The following XYLT1 variants were observed in gnomAD, a reference collection of about 807,000 sequenced individuals.
The protein encoded by XYLT1 is beta-D-xylosyltransferase 1.
Under a neutral mutation model 91.3 loss-of-function variants are expected in XYLT1, and 36 were observed. That is an observed-to-expected ratio of 0.39 (90% CI 0.30 to 0.52). The LOEUF (loss-of-function observed/expected upper bound fraction) is 0.52. Among genes scored for constraint, XYLT1 ranks in the 20% least tolerant of loss-of-function variants. The pLI is 0.68. For missense variants in XYLT1, 1,242 were observed against 1,284.5 expected (o/e 0.97, Z 0.51); for synonymous variants, 588 against 532.0 (o/e 1.11, Z -1.45).
At chr16:17,266,997 T>C (rs75592280) in intron 2 of XYLT1, among the ~76,000 whole-genome samples, 3,361 of 152,304 alleles carry the variant, frequency 0.022, 120 homozygotes, top group African/African-American at 0.076. Context: ...GGCCAGCACT[T>C]AGAAACCCGT....
intron 1 of XYLT1, among the ~76,000 whole-genome samples, chr16:17,453,160 GTCCACAAA>G (rs887401055): frequency 6.6e-6 from 1 of 152,176 alleles, no homozygotes; most frequent in Non-Finnish European, 1.5e-5. Context: ...AGGGTTTCAA[GTCCACAAA>G]TCCTTTCTGC....
chr16:17,356,566 C>G (rs1055068280), intron 2 of XYLT1, among the ~76,000 whole-genome samples: 1 of 152,002 alleles, frequency 6.6e-6, no homozygotes, highest in African/African-American at 2.4e-5. Flanking sequence ...TTAGGAGAAC[C>G]CAAGCAGAGA....
chr16:17,393,249 G>A (rs948134352), intron 1 of XYLT1, among the ~76,000 whole-genome samples: 2 of 152,216 alleles, frequency 1.3e-5, no homozygotes, highest in African/African-American at 4.8e-5. Flanking sequence ...ATGTGAGCAG[G>A]TGGATCTGAA....
chr16:17,240,522 G>A (rs1052186918), intron 3 of XYLT1, among the ~76,000 whole-genome samples: 1 of 152,192 alleles, frequency 6.6e-6, no homozygotes, highest in Non-Finnish European at 1.5e-5. Context: ...ACATGACAGG[G>A]ATGTTGCAGA....
At chr16:17,390,465 A>G (rs1054876634) in intron 1 of XYLT1, among the ~76,000 whole-genome samples, 3 of 152,236 alleles carry the variant, frequency 2.0e-5, no homozygotes, top group African/African-American at 7.2e-5. Context: ...CCTGTGGCCA[A>G]CACATCTCCA....
chr16:17,319,068 A>G (rs537753320), intron 2 of XYLT1, among the ~76,000 whole-genome samples: 1 of 152,206 alleles, frequency 6.6e-6, no homozygotes, highest in Non-Finnish European at 1.5e-5. Context: ...GATTACAAGC[A>G]TGAGCCACCA....
At chr16:17,321,168 C>A (rs1057367084) in intron 2 of XYLT1, among the ~76,000 whole-genome samples, 2 of 151,864 alleles carry the variant, frequency 1.3e-5, no homozygotes, top group Admixed American at 6.6e-5. Context: ...GGCTGTACAT[C>A]TGCTTTTTAC....
intron 1 of XYLT1, among the ~76,000 whole-genome samples, chr16:17,376,590 G>A (rs1005881679): frequency 5.3e-5 from 8 of 152,156 alleles, no homozygotes; most frequent in Non-Finnish European, 8.8e-5. Flanking sequence ...ACTTTGAGAG[G>A]CCAAGGCAGG....
At chr16:17,347,533 G>C (rs1475198283) in intron 2 of XYLT1, among the ~76,000 whole-genome samples, 2 of 152,176 alleles carry the variant, frequency 1.3e-5, no homozygotes, top group African/African-American at 4.8e-5. Context: ...TTCACAAATA[G>C]AATGACAGCT....
At chr16:17,222,598 TG>T (rs923335277) in intron 3 of XYLT1, among the ~76,000 whole-genome samples, 5 of 152,214 alleles carry the variant, frequency 3.3e-5, no homozygotes, top group Admixed American at 6.5e-5. Context: ...AAGATCAGCC[TG>T]GCCAAAATGA....
At chr16:17,357,686 C>T (rs1321846956) in intron 2 of XYLT1, among the ~76,000 whole-genome samples, 1 of 152,246 alleles carries the variant, frequency 6.6e-6, no homozygotes, top group Non-Finnish European at 1.5e-5. Context: ...TCTGTCTCCT[C>T]TCTCCTTTGC....
intron 1 of XYLT1, among the ~76,000 whole-genome samples, chr16:17,468,100 T>C (rs1183529066): frequency 6.6e-6 from 1 of 152,130 alleles, no homozygotes; most frequent in East Asian, 1.9e-4. Flanking sequence ...AAGCTCCAGC[T>C]ATACCAGACT....
chr16:17,381,510 A>G (rs1237475519), intron 1 of XYLT1, among the ~76,000 whole-genome samples: 2 of 148,290 alleles, frequency 1.3e-5, no homozygotes, highest in Non-Finnish European at 3.0e-5. Context: ...GCTCACTGCA[A>G]CCTCTGCCTC....
rs1218781252 is a variant in XYLT1 at position 17,427,643 on chromosome 16, G to T, written c.363+42791C>A. Among the ~76,000 whole-genome samples, 157 of 152,276 alleles carry T rather than the reference G, an allele frequency of 1.0e-3. 2 individuals are homozygous for T. The highest frequency in any genetic ancestry group is 4.4e-5 in the Non-Finnish European group (3 of 68,032). On this transcript the variant is annotated intron_variant, in intron 1 of 11. Coordinates refer to ENST00000261381, the MANE Select transcript of XYLT1 (RefSeq NM_022166.4). ...CCCCAACACAAGGTTGCCCAAATGT[G>T]CACAGAAGATGCTTCTACAACAGCT... is the stretch of plus-strand genomic sequence containing the variant.
intron 5 of XYLT1, among the ~76,000 whole-genome samples, chr16:17,168,610 A>T (rs79221008): frequency 0.014 from 2,055 of 150,196 alleles, 44 homozygotes; most frequent in African/African-American, 0.048. Flanking sequence ...TTTTTTTTTT[A>T]AAGTTTAAAA....
chr16:17,351,512 C>CA (rs896073705), intron 2 of XYLT1, among the ~76,000 whole-genome samples: 8 of 151,024 alleles, frequency 5.3e-5, no homozygotes, highest in Admixed American at 2.0e-4. Context: ...GACTCTGTCT[C>CA]AAAAAAAATA....
At chr16:17,337,174 T>A (rs2034992486) in intron 2 of XYLT1, among the ~76,000 whole-genome samples, 2 of 152,128 alleles carry the variant, frequency 1.3e-5, no homozygotes, top group Non-Finnish European at 2.9e-5. Flanking sequence ...GCAAAGGTGG[T>A]AACACTGACT....
At chr16:17,461,123 C>T (rs1157760898) in intron 1 of XYLT1, among the ~76,000 whole-genome samples, 2 of 152,228 alleles carry the variant, frequency 1.3e-5, no homozygotes, top group Admixed American at 6.5e-5. Context: ...CATCTGCTCC[C>T]CTGGATCATT....
chr16:17,342,012 A>G (rs368321563), intron 2 of XYLT1, among the ~76,000 whole-genome samples: 20 of 152,232 alleles, frequency 1.3e-4, no homozygotes, highest in African/African-American at 4.6e-4. Context: ...GCAGCCACCA[A>G]TCCCATTTTC....
Sources: gnomAD v4.1 joint callset for allele counts (sites outside exome capture counted in the v4.1 genomes callset) on GRCh38, gnomAD v4.1.1 for gene constraint, MANE v1.5 for transcripts, NCBI Gene and HGNC (gene_info 2026-07-23, HGNC 2026-07-21) for gene names.